ROR2: variants seen among roughly 807,000 people sequenced by gnomAD.
ROR2 encodes the protein tyrosine-protein kinase transmembrane receptor ROR2.
ROR2 carries 33 observed loss-of-function variants against 74.9 expected under a neutral mutation model. That is an observed-to-expected ratio of 0.44 (90% CI 0.33 to 0.59). ROR2 has a LOEUF of 0.59. ROR2 is among the 20% of genes least tolerant of loss of function. The probability of loss-of-function intolerance (pLI) is 0.02; values close to 1 mark genes in which losing one functional copy is unlikely to be tolerated. For synonymous variants in ROR2, 586 were observed against 558.7 expected (o/e 1.05, Z -0.69); for missense variants, 1,216 against 1,313.8 (o/e 0.93, Z 1.15).
At chr9:91,741,714 C>G (rs1417181407) in intron 4 of ROR2, among the ~76,000 whole-genome samples, 1 of 152,102 alleles carries the variant, frequency 6.6e-6, no homozygotes, top group South Asian at 2.1e-4. Flanking sequence ...AAATGGGCTG[C>G]CTGCCTAGGT....
At chr9:91,825,023 G>A (rs1828241945) in intron 1 of ROR2, among the ~76,000 whole-genome samples, 1 of 152,252 alleles carries the variant, frequency 6.6e-6, no homozygotes, top group Admixed American at 6.5e-5. Flanking sequence ...AGGCCACAGG[G>A]CTGGGCTGTC....
chr9:91,909,814 ATCTTTAT>A (rs1830906950), intron 1 of ROR2, among the ~76,000 whole-genome samples: 1 of 119,058 alleles, frequency 8.4e-6, no homozygotes, highest in Admixed American at 8.5e-5. Flanking sequence ...CATTCTGATA[ATCTTTAT>A]TCTTTTTTTT....
At chr9:91,810,172 G>T (rs57308170) in intron 1 of ROR2, among the ~76,000 whole-genome samples, 1 of 152,208 alleles carries the variant, frequency 6.6e-6, no homozygotes, top group South Asian at 2.1e-4. Flanking sequence ...CCGAGGCTAC[G>T]GTGGCGACAG....
At chr9:91,735,191 T>G (rs1198495365) in intron 5 of ROR2, among the ~76,000 whole-genome samples, 1 of 152,212 alleles carries the variant, frequency 6.6e-6, no homozygotes, top group African/African-American at 2.4e-5. Flanking sequence ...AGTGCAATTC[T>G]AGGCACAAAG....
rs1423067276 is a variant in ROR2 at position 91,757,486 on chromosome 9, G to A, written c.249C>T (p.Cys83=). The change falls in exon 3 of 9, where the codon TGC becomes TGT. Residue 83 remains cysteine, a synonymous_variant. Transcript: ENST00000375708. ...IVQGQTAILH[C]KVAGNPPPNV... The stretch of plus-strand genomic sequence containing the variant: ...TAGGGGGTGGGTTTCCTGCCACCTT[G>A]CAGTGCAGAATTGCCGTCTGGCCTT... The A allele has an allele frequency of 6.2e-7, 1 of 1,613,858 alleles. No individual in the cohort carries two copies. The highest frequency in any genetic ancestry group is 1.7e-5 in the Admixed American group (1 of 59,980).
At chr9:91,901,125 T>C (rs1335535755) in intron 1 of ROR2, among the ~76,000 whole-genome samples, 2 of 152,222 alleles carry the variant, frequency 1.3e-5, no homozygotes, top group Non-Finnish European at 2.9e-5. Context: ...CTTGTAAAAC[T>C]GTGTTACTTG....
At chr9:91,818,335 T>C (rs1828013172) in intron 1 of ROR2, among the ~76,000 whole-genome samples, 1 of 152,312 alleles carries the variant, frequency 6.6e-6, no homozygotes, top group Middle Eastern at 3.4e-3. Flanking sequence ...ACTAAACTTT[T>C]TTTTGCAACA....
intron 1 of ROR2, among the ~76,000 whole-genome samples, chr9:91,845,877 C>CAAAAAAAAAAAAAAAAAAA (rs5899143): frequency 3.0e-5 from 1 of 33,874 alleles, no homozygotes; most frequent in African/African-American, 7.3e-5. Flanking sequence ...GAATCCATCT[C>CAAAAAAAAAAAAAAAAAAA]AAAAAAAAAA....
chr9:91,732,277 C>T (rs527931353), intron 6 of ROR2, among the ~76,000 whole-genome samples: 2 of 152,332 alleles, frequency 1.3e-5, no homozygotes, highest in South Asian at 4.1e-4. Flanking sequence ...ACATAAGCAG[C>T]GCTCCCTGTC....
intron 4 of ROR2, among the ~76,000 whole-genome samples, chr9:91,742,188 C>A (rs1258871130): frequency 6.6e-6 from 1 of 152,150 alleles, no homozygotes; most frequent in African/African-American, 2.4e-5. Flanking sequence ...AAAGTGGAAA[C>A]CCCTGATAAA....
chr9:91,755,154 T>C (rs1825705677), intron 4 of ROR2, among the ~76,000 whole-genome samples: 1 of 148,256 alleles, frequency 6.7e-6, no homozygotes, highest in South Asian at 2.3e-4. Context: ...GCCTGTCTAT[T>C]TGGGGGGGGA....
At chr9:91,863,116 T>C (rs1829520026) in intron 1 of ROR2, among the ~76,000 whole-genome samples, 1 of 152,250 alleles carries the variant, frequency 6.6e-6, no homozygotes, top group Non-Finnish European at 1.5e-5. Flanking sequence ...TATATGCTGC[T>C]GGTGGGAATG....
chr9:91,948,880 G>C (rs1003159362), intron 1 of ROR2: 2 of 985,326 alleles, frequency 2.0e-6, no homozygotes, highest in Admixed American at 6.1e-5. Context: ...AATCCGGCCC[G>C]AGGCGCGCGG....
At chr9:91,877,546 A>G (rs1829991789) in intron 1 of ROR2, among the ~76,000 whole-genome samples, 1 of 152,212 alleles carries the variant, frequency 6.6e-6, no homozygotes, top group Non-Finnish European at 1.5e-5. Flanking sequence ...AGTGATCTAA[A>G]TGTACCCAAA....
At chr9:91,825,809 A>G (rs1350588836) in intron 1 of ROR2, among the ~76,000 whole-genome samples, 2 of 152,242 alleles carry the variant, frequency 1.3e-5, no homozygotes, top group Non-Finnish European at 2.9e-5. Context: ...GCAAAGCCAC[A>G]GAAGAATTCT....
chr9:91,881,602 A>C lies in ROR2; in HGVS notation c.97+68265T>G, dbSNP rs550904773. 3.3e-5 allele frequency among the ~76,000 whole-genome samples: 5 copies of C among 152,340 alleles called. No homozygotes were observed. The East Asian group carries it at 9.6e-4, about 29-fold the overall frequency. On this transcript the variant is annotated intron_variant, in intron 1 of 8. Coordinates refer to ENST00000375708, the MANE Select transcript of ROR2 (RefSeq NM_004560.4). ...AGTTATCTCCAGCAGCATAGTTACA[A>C]ATAATTTTTGTTTCCTTATTTATAC...
chr9:91,843,342 C>T (rs1017468325), intron 1 of ROR2, among the ~76,000 whole-genome samples: 1 of 152,322 alleles, frequency 6.6e-6, no homozygotes, highest in East Asian at 1.9e-4. Flanking sequence ...CACGCTCCCC[C>T]GTGGGGCAGG....
intron 1 of ROR2, among the ~76,000 whole-genome samples, chr9:91,790,185 C>G (rs1261322079): frequency 6.6e-6 from 1 of 152,002 alleles, no homozygotes; most frequent in Non-Finnish European, 1.5e-5. Context: ...CTAAGCAAAC[C>G]CACTGCTCTA....
At chr9:91,775,191 G>A (rs1383861117) in intron 2 of ROR2, among the ~76,000 whole-genome samples, 78 of 152,208 alleles carry the variant, frequency 5.1e-4, no homozygotes, top group Non-Finnish European at 5.9e-5. Flanking sequence ...CAGGCTATCT[G>A]TGGCTATGGG....
Sources: gnomAD v4.1 joint callset for allele counts (sites outside exome capture counted in the v4.1 genomes callset) on GRCh38, gnomAD v4.1.1 for gene constraint, MANE v1.5 for transcripts, NCBI Gene and HGNC (gene_info 2026-07-23, HGNC 2026-07-21) for gene names.